Variants in DOCK7 observed in about 807,000 individuals in gnomAD.
The protein encoded by DOCK7 is dedicator of cytokinesis protein 7.
DOCK7 carries 138 observed loss-of-function variants against 271.0 expected under a neutral mutation model. The ratio of observed to expected loss-of-function variants is 0.51; its 90% CI spans 0.44 to 0.59. The LOEUF is 0.59. Among genes scored for constraint, DOCK7 ranks in the 20% least tolerant of loss-of-function variants. DOCK7 has a pLI of 0.00. For missense variants in DOCK7, 2,066 were observed against 2,592.4 expected (o/e 0.80, Z 4.41); for synonymous variants, 823 against 876.1 (o/e 0.94, Z 1.07).
chr1:62,599,595 T>G (rs1649811207), intron 14 of DOCK7, among the ~76,000 whole-genome samples: 1 of 152,070 alleles, frequency 6.6e-6, no homozygotes, highest in Admixed American at 6.6e-5. Flanking sequence ...ATACAGGGAT[T>G]TTTTCCATTA....
At chr1:62,507,924 A>C (rs1646989306) in intron 35 of DOCK7, 38 bp downstream of exon 35, 6 of 1,588,400 alleles carry the variant, frequency 3.8e-6, no homozygotes, top group Non-Finnish European at 5.2e-6. Flanking sequence ...TCAATTTACC[A>C]AATCCGTATT....
At chr1:62,667,529 A>T (rs1027571356) in intron 1 of DOCK7, among the ~76,000 whole-genome samples, 1 of 152,202 alleles carries the variant, frequency 6.6e-6, no homozygotes, top group Non-Finnish European at 1.5e-5. Context: ...CAATAAAGAA[A>T]ACAAGTGAAA....
chr1:62,619,374 C>T (rs567473026), intron 13 of DOCK7, among the ~76,000 whole-genome samples: 2 of 152,278 alleles, frequency 1.3e-5, no homozygotes. Flanking sequence ...TTCCATCCCC[C>T]GCTGGGGATA....
Position 62,604,065 on chromosome 1 carries a change from A to G in DOCK7, c.1682+14641T>C, listed in dbSNP as rs199555921. The G allele has an allele frequency of 1.3e-4, 209 of 1,613,190 alleles. No homozygotes were observed. The highest frequency in any genetic ancestry group is 3.7e-4 in the Admixed American group (22 of 59,938). On this transcript the variant is annotated intron_variant, in intron 14 of 49. Coordinates refer to ENST00000635253, the MANE Select transcript of DOCK7 (RefSeq NM_001367561.1). ...TTGGAAGACTGGAAAGACAACAAACATTATATTGAATATTCTTTTTACTTG... is the reference window on the plus strand; with the variant it reads ...TTGGAAGACTGGAAAGACAACAAACGTTATATTGAATATTCTTTTTACTTG...
At chr1:62,621,418 T>C (rs1365576634) in intron 12 of DOCK7, among the ~76,000 whole-genome samples, 1 of 152,232 alleles carries the variant, frequency 6.6e-6, no homozygotes, top group Non-Finnish European at 1.5e-5. Context: ...CTTTAGATTT[T>C]ATCAATCCAA....
In DOCK7 at chr1:62,513,463, G is replaced by C; in HGVS notation, c.4263C>G (p.Tyr1421Ter). 6.2e-7 allele frequency: 1 copy of C among 1,608,124 alleles called. No homozygotes were observed. The highest frequency in any genetic ancestry group is 8.5e-7 in the Non-Finnish European group (1 of 1,178,496). ...VRRSRGQLGT[Y>*]TIASPPERSP... ...TCTCACCAGGAGGAGAAGCTATTGT[G>C]TACGTACCGAGCTGTCCTCGGCTTC... The change falls in exon 33 of 50, where the codon TAC becomes TAG. Residue 1421 changes from tyrosine (Y) to a stop codon, truncating the protein, a stop_gained. Coordinates refer to ENST00000635253, the MANE Select transcript of DOCK7 (RefSeq NM_001367561.1). LOFTEE classifies it high-confidence loss of function.
chr1:62,608,007 G>A (rs2149555374), intron 14 of DOCK7: 1 of 152,210 alleles, frequency 6.6e-6, no homozygotes, highest in East Asian at 1.9e-4. Flanking sequence ...GCTGGAGCCT[G>A]GGAAGTCAAG....
At chr1:62,580,409 CAT>C (rs1037153184) in intron 16 of DOCK7, among the ~76,000 whole-genome samples, 1 of 152,104 alleles carries the variant, frequency 6.6e-6, no homozygotes, top group Non-Finnish European at 1.5e-5. Context: ...TGTCAGATGG[CAT>C]AGTCATTTTA....
intron 14 of DOCK7, among the ~76,000 whole-genome samples, chr1:62,610,169 A>C (rs1651584136): frequency 1.3e-5 from 2 of 152,136 alleles, no homozygotes; most frequent in East Asian, 3.8e-4. Flanking sequence ...TTATAGTTAA[A>C]ATAAACTAGG....
At chr1:62,582,548 TCA>T (rs1491367834) in intron 16 of DOCK7, among the ~76,000 whole-genome samples, 2 of 10,640 alleles carry the variant, frequency 1.9e-4, no homozygotes, top group African/African-American at 5.6e-4. Context: ...AGACTCCGTC[TCA>T]AAAAAAAAAA....
intron 48 of DOCK7, among the ~76,000 whole-genome samples, chr1:62,463,707 TA>T (rs11356503): frequency 0.33 from 49,669 of 151,946 alleles, 8,255 homozygotes; most frequent in South Asian, 0.42. Flanking sequence ...CTGTTAAAGT[TA>T]AAAAAATGCA....
intron 15 of DOCK7, 113 bp downstream of exon 15, chr1:62,586,394 T>C (rs1374438431): frequency 2.2e-5 from 15 of 677,786 alleles, no homozygotes; most frequent in Non-Finnish European, 3.2e-5. Flanking sequence ...AGTTAGAAAT[T>C]TGGTTTAAAA....
chr1:62,550,985 T>C (rs1285156884), intron 22 of DOCK7, among the ~76,000 whole-genome samples: 1 of 152,096 alleles, frequency 6.6e-6, no homozygotes, highest in Admixed American at 6.6e-5. Context: ...CCTCCTGAAG[T>C]GCTGGGATTA....
chr1:62,574,486 A>G lies in DOCK7; in HGVS notation c.2112+2776T>C, dbSNP rs1646882013. ...CAAGGAGAAACTCACAAGCTCATAG[A>G]CACCAGACTGGAGGAATTAATAGAA... On this transcript the variant is annotated intron_variant, in intron 18 of 49. Transcript: ENST00000635253. Among the ~76,000 whole-genome samples, 3 of 152,328 alleles carry G rather than the reference A, an allele frequency of 2.0e-5. No homozygotes were observed. The South Asian group carries it at 6.2e-4, about 32-fold the overall frequency.
In DOCK7 at chr1:62,669,041, C is replaced by T. The variant is rs538198250; in HGVS notation, c.39-5911G>A. On this transcript the variant is annotated intron_variant, in intron 1 of 49. Transcript: ENST00000635253. ...CTTCAAGAGGTATGTATATCACATC[C>T]TCCATAAAGCCCTGCCTGATTCTTT... 9.2e-5 allele frequency among the ~76,000 whole-genome samples: 14 copies of T among 152,188 alleles called. No individual in the cohort carries two copies. The South Asian group carries it at 2.9e-3, about 32-fold the overall frequency.
At chr1:62,578,727 A>AAC (rs1647015456) in intron 17 of DOCK7, 101 bp downstream of exon 17, 7 of 972,118 alleles carry the variant, frequency 7.2e-6, no homozygotes, top group Non-Finnish European at 9.9e-6. Context: ...CAAAAAAAAA[A>AAC]AAAAAAAAAA....
intron 18 of DOCK7, among the ~76,000 whole-genome samples, chr1:62,571,002 T>C (rs968407209): frequency 1.3e-5 from 2 of 152,018 alleles, no homozygotes; most frequent in Non-Finnish European, 2.9e-5. Flanking sequence ...CAAGCAAAGA[T>C]TTCATGACAA....
chr1:62,618,677 T>C, intron 14 of DOCK7, 29 bp downstream of exon 14: 1 of 1,578,492 alleles, frequency 6.3e-7, no homozygotes, highest in Non-Finnish European at 8.7e-7. Flanking sequence ...GTATCTTCTA[T>C]CAGAATTCTC....
intron 14 of DOCK7, among the ~76,000 whole-genome samples, chr1:62,615,378 G>A (rs1225690528): frequency 6.6e-6 from 1 of 151,684 alleles, no homozygotes; most frequent in Non-Finnish European, 1.5e-5. Flanking sequence ...AGTTCTCACT[G>A]GTACTTGCTA....
Sources: allele counts gnomAD v4.1 joint callset (sites outside exome capture counted in the v4.1 genomes callset), GRCh38; gene constraint gnomAD v4.1.1; transcripts MANE v1.5; gene names NCBI Gene and HGNC (gene_info 2026-07-23, HGNC 2026-07-21).